CACNA1B: variants seen among roughly 807,000 people sequenced by gnomAD.
CACNA1B encodes voltage-dependent N-type calcium channel subunit alpha-1B.
CACNA1B carries 70 observed loss-of-function variants against 247.2 expected under a neutral mutation model. The observed-to-expected ratio is 0.28, with a 90% CI of 0.23 to 0.35. The LOEUF is 0.35. Among genes scored for constraint, CACNA1B ranks in the 10% least tolerant of loss-of-function variants. The probability of loss-of-function intolerance (pLI) is 1.00; values close to 1 mark genes in which losing one functional copy is unlikely to be tolerated. For missense variants in CACNA1B, 2,367 were observed against 3,197.4 expected (o/e 0.74, Z 6.26); for synonymous variants, 1,231 against 1,294.4 (o/e 0.95, Z 1.05).
chr9:138,046,886 C>T lies in CACNA1B; in HGVS notation c.3414-18C>T, dbSNP rs1408822119. ...CCCGGCTGGGGGGCCTTGTGGTGATCCGTGCCTTCCCTCACAGGCTCCGCC... is the reference window on the plus strand; with the variant it reads ...CCCGGCTGGGGGGCCTTGTGGTGATTCGTGCCTTCCCTCACAGGCTCCGCC... On this transcript the variant is annotated intron_variant, in intron 21 of 46. Coordinates refer to ENST00000371372, the MANE Select transcript of CACNA1B (RefSeq NM_000718.4). 3.7e-6 allele frequency: 6 copies of T among 1,611,002 alleles called. No homozygotes were observed. The highest frequency in any genetic ancestry group is 3.3e-5 in the Admixed American group (2 of 59,920).
At chr9:137,960,135 GAGAGA>G (rs1419683748) in intron 10 of CACNA1B, among the ~76,000 whole-genome samples, 39 of 134,420 alleles carry the variant, frequency 2.9e-4, no homozygotes, top group African/African-American at 3.4e-4. Flanking sequence ...GGCCGACCTG[GAGAGA>G]GAGGGGAGCT....
chr9:138,097,484 C>A (rs1275940946), intron 37 of CACNA1B, among the ~76,000 whole-genome samples: 1 of 152,218 alleles, frequency 6.6e-6, no homozygotes, highest in Non-Finnish European at 1.5e-5. Context: ...CATTTACTTG[C>A]TCGCTCACTC....
chr9:137,885,216 G>A (rs2133227960), intron 3 of CACNA1B, among the ~76,000 whole-genome samples: 1 of 151,770 alleles, frequency 6.6e-6, no homozygotes, highest in Middle Eastern at 3.4e-3. Context: ...CCCCGGGTTG[G>A]AGGTGATCTG....
At position 137,940,534 on chromosome 9, in the gene CACNA1B, T is replaced by C. The variant is rs891647968; in HGVS notation, c.967-11740T>C. On this transcript the variant is annotated intron_variant, in intron 6 of 46. Transcript: ENST00000371372. ...ATCCTATCGACACTATTCCATGAGATAGACAAAGAGGGAATCCTCCCTAAA... is the reference window on the plus strand; with the variant it reads ...ATCCTATCGACACTATTCCATGAGACAGACAAAGAGGGAATCCTCCCTAAA... Among the ~76,000 whole-genome samples the C allele has an allele frequency of 2.6e-5, 4 of 152,134 alleles. No homozygotes were observed. The East Asian group carries it at 5.8e-4, about 22-fold the overall frequency.
intron 6 of CACNA1B, among the ~76,000 whole-genome samples, chr9:137,941,051 A>G (rs1416857281): frequency 1.3e-5 from 2 of 152,204 alleles, no homozygotes; most frequent in Non-Finnish European, 2.9e-5. Flanking sequence ...ATAGTAATGG[A>G]AGTCCTAACC....
intron 15 of CACNA1B, among the ~76,000 whole-genome samples, chr9:138,002,872 T>C (rs1958596006): frequency 1.3e-5 from 2 of 151,290 alleles, no homozygotes; most frequent in South Asian, 4.2e-4. Context: ...GTGATCTTGG[T>C]TCACTGTAAC....
At chr9:138,096,405 C>T (rs1961057391) in intron 36 of CACNA1B, 79 bp from the exon 37 acceptor site, 2 of 1,227,690 alleles carry the variant, frequency 1.6e-6, no homozygotes, top group Admixed American at 1.7e-5. Context: ...GCTTCACACA[C>T]ACTGGAGAGT....
At chr9:137,995,465 A>T (rs932438113) in intron 15 of CACNA1B, among the ~76,000 whole-genome samples, 1 of 152,222 alleles carries the variant, frequency 6.6e-6, no homozygotes, top group Non-Finnish European at 1.5e-5. Flanking sequence ...TGGTGCTGGG[A>T]TAATTGGCAA....
rs1962199226 is a variant in CACNA1B at position 138,124,536 on chromosome 9, C to G, written c.*2537C>G. On this transcript the variant is annotated 3_prime_UTR_variant, in exon 47 of 47. Coordinates refer to ENST00000371372, the MANE Select transcript of CACNA1B (RefSeq NM_000718.4). ...ATATTTATCAGCCAAACTTTGGATT[C>G]TGCTGTTGTTTCTACAATGACATTT... The G allele has an allele frequency of 6.6e-6, 1 of 151,990 alleles. No individual in the cohort carries two copies. 9.4% of individuals were successfully genotyped at this position (151,990 alleles called of 1,614,324 possible).
intron 10 of CACNA1B, among the ~76,000 whole-genome samples, chr9:137,968,717 G>A (rs1564212898): frequency 6.6e-6 from 1 of 152,184 alleles, no homozygotes; most frequent in Non-Finnish European, 1.5e-5. Flanking sequence ...CACATTTTTT[G>A]AACAAATGGG....
At chr9:137,992,542 G>A (rs1230715872) in intron 15 of CACNA1B, among the ~76,000 whole-genome samples, 1 of 152,128 alleles carries the variant, frequency 6.6e-6, no homozygotes, top group Non-Finnish European at 1.5e-5. Context: ...AAGACAGAAA[G>A]TCAACAAAGA....
At position 137,990,281 on chromosome 9, in the gene CACNA1B, C is replaced by T. The variant is rs7042228; in HGVS notation, c.1974+3427C>T. The stretch of plus-strand genomic sequence containing the variant: ...TGGACTGAGAACCACACACCCATCC[C>T]CCACAGCAGCCACAGCAAGCCCCGC... On this transcript the variant is annotated intron_variant, in intron 15 of 46. Transcript: ENST00000371372. This position sits in a 1 kb window ranked among gnomAD's most constrained non-coding sequence, Gnocchi z 4.5. 0.27 allele frequency among the ~76,000 whole-genome samples: 41,470 copies of T among 151,810 alleles called. 7,805 individuals are homozygous for T. The highest frequency in any genetic ancestry group is 0.64 in the East Asian group (3,313 of 5,158).
At chr9:138,000,299 C>T (rs554728882) in intron 15 of CACNA1B, among the ~76,000 whole-genome samples, 92 of 152,086 alleles carry the variant, frequency 6.0e-4, no homozygotes, top group Non-Finnish European at 1.0e-3. Flanking sequence ...AGGGTTTCAC[C>T]GTGTTAGCCA....
At chr9:138,116,112 C>G (rs1022130295) in intron 42 of CACNA1B, among the ~76,000 whole-genome samples, 3 of 152,246 alleles carry the variant, frequency 2.0e-5, no homozygotes, top group Non-Finnish European at 2.9e-5. Context: ...ACAAGAGGCC[C>G]CTGCCCCTGC....
chr9:137,964,393 C>T (rs1218542081), intron 10 of CACNA1B, among the ~76,000 whole-genome samples: 2 of 152,052 alleles, frequency 1.3e-5, no homozygotes, highest in East Asian at 1.9e-4. Context: ...CATTTCTTTC[C>T]ACTCTTTTTT....
chr9:137,993,726 A>T (rs1958463165), intron 15 of CACNA1B, among the ~76,000 whole-genome samples: 1 of 152,206 alleles, frequency 6.6e-6, no homozygotes, highest in South Asian at 2.1e-4. Context: ...AACAAAATAA[A>T]GTCCAGGACC....
chr9:138,108,702 G>A (rs1341035406), intron 39 of CACNA1B, among the ~76,000 whole-genome samples: 1 of 151,610 alleles, frequency 6.6e-6, no homozygotes. Context: ...AGGCTGGAGT[G>A]CAGTGGCACG....
At chr9:137,972,334 C>G (rs926884573) in intron 11 of CACNA1B, among the ~76,000 whole-genome samples, 1 of 152,178 alleles carries the variant, frequency 6.6e-6, no homozygotes, top group Non-Finnish European at 1.5e-5. Context: ...CCTCCTGACC[C>G]CAGGGGTCAG....
intron 18 of CACNA1B, among the ~76,000 whole-genome samples, chr9:138,017,466 C>T (rs985596409): frequency 5.9e-5 from 9 of 152,296 alleles, no homozygotes; most frequent in East Asian, 3.9e-4. Context: ...CTGTTGTGTC[C>T]GCTCACTCCG....
Sources: allele counts gnomAD v4.1 joint callset (sites outside exome capture counted in the v4.1 genomes callset), GRCh38; gene constraint gnomAD v4.1.1; non-coding constraint Gnocchi (gnomAD v3.1); transcripts MANE v1.5; gene names NCBI Gene and HGNC (gene_info 2026-07-23, HGNC 2026-07-21).